SPAG16: variants seen among roughly 807,000 people sequenced by gnomAD.
SPAG16 encodes the protein sperm associated antigen 16, also known as sperm-associated antigen 16 protein.
In SPAG16, 86 loss-of-function variants were observed where a neutral mutation model predicts 80.4. The ratio of observed to expected loss-of-function variants is 1.07; its 90% CI spans 0.90 to 1.28. The LOEUF is 1.28. Ranked by LOEUF, SPAG16 falls within the 50% of genes most tolerant of loss-of-function variation. SPAG16 has a pLI of 0.00. For missense variants in SPAG16, 870 were observed against 765.3 expected (o/e 1.14, Z -1.61); for synonymous variants, 294 against 265.9 (o/e 1.11, Z -1.03).
intron 10 of SPAG16, among the ~76,000 whole-genome samples, chr2:213,687,971 A>T (rs1327419422): frequency 6.6e-6 from 1 of 152,188 alleles, no homozygotes; most frequent in Non-Finnish European, 1.5e-5. Context: ...CCTCAGGAGG[A>T]ACTGAGGACA....
At chr2:214,207,533 C>T (rs1295439576) in intron 15 of SPAG16, among the ~76,000 whole-genome samples, 1 of 152,106 alleles carries the variant, frequency 6.6e-6, no homozygotes, top group Admixed American at 6.6e-5. Context: ...AAAAGGTGGC[C>T]TTATTTTCAT....
chr2:214,030,952 C>T (rs1270252068), intron 13 of SPAG16, among the ~76,000 whole-genome samples: 2 of 152,216 alleles, frequency 1.3e-5, no homozygotes, highest in Non-Finnish European at 2.9e-5. Context: ...CTCAGTAGGA[C>T]AGTTGTGAAG....
chr2:214,136,502 G>A (rs13032246), intron 14 of SPAG16, among the ~76,000 whole-genome samples: 29,930 of 152,040 alleles, frequency 0.2, 3,000 homozygotes, highest in African/African-American at 0.23. Context: ...TTAGCTGCTC[G>A]GTAATTATTT....
chr2:214,041,345 A>T (rs2048996170), intron 13 of SPAG16, among the ~76,000 whole-genome samples: 1 of 151,774 alleles, frequency 6.6e-6, no homozygotes, highest in Non-Finnish European at 1.5e-5. Context: ...GTATCAGCTG[A>T]ATTGTTTATA....
chr2:214,146,026 C>T (rs1183679180), intron 14 of SPAG16, among the ~76,000 whole-genome samples: 1 of 152,102 alleles, frequency 6.6e-6, no homozygotes, highest in Non-Finnish European at 1.5e-5. Context: ...CAATGATAAC[C>T]AGAATTGCAT....
intron 12 of SPAG16, among the ~76,000 whole-genome samples, chr2:213,973,292 G>A (rs551905122): frequency 2.6e-5 from 4 of 152,080 alleles, no homozygotes; most frequent in African/African-American, 9.6e-5. Flanking sequence ...AGTCAGTTGT[G>A]TGTCTTAATG....
At chr2:214,099,393 T>C (rs538277190) in intron 13 of SPAG16, among the ~76,000 whole-genome samples, 1 of 152,104 alleles carries the variant, frequency 6.6e-6, no homozygotes, top group Non-Finnish European at 1.5e-5. Flanking sequence ...TAATTTCCTA[T>C]GGTAGAGATG....
intron 13 of SPAG16, among the ~76,000 whole-genome samples, chr2:214,027,101 G>T (rs1287992092): frequency 6.6e-6 from 1 of 151,486 alleles, no homozygotes; most frequent in African/African-American, 2.4e-5. Flanking sequence ...GTGTAGGAAA[G>T]AGTAGACTTT....
chr2:213,514,155 A>T (rs569108099), intron 10 of SPAG16, among the ~76,000 whole-genome samples: 7 of 152,202 alleles, frequency 4.6e-5, no homozygotes, highest in Non-Finnish European at 1.0e-4. Context: ...TTTAGAAATT[A>T]GATGGTCCTT....
chr2:213,732,055 A>T (rs769261340), intron 10 of SPAG16, among the ~76,000 whole-genome samples: 1 of 152,146 alleles, frequency 6.6e-6, no homozygotes, highest in Admixed American at 6.6e-5. Flanking sequence ...TTGGTTTTAC[A>T]TTTAAGTCTT....
intron 7 of SPAG16, among the ~76,000 whole-genome samples, chr2:213,354,174 T>C (rs2065495651): frequency 6.6e-6 from 1 of 152,194 alleles, no homozygotes; most frequent in Non-Finnish European, 1.5e-5. Flanking sequence ...CTGAGAATGA[T>C]GGTTTCCAGC....
At chr2:214,369,294 A>G (rs1425818479) in intron 15 of SPAG16, among the ~76,000 whole-genome samples, 1 of 152,142 alleles carries the variant, frequency 6.6e-6, no homozygotes, top group Non-Finnish European at 1.5e-5. Context: ...GAAGAAAAAG[A>G]AGAAGTTTGG....
At chr2:213,442,300 G>A (rs1604692) in intron 9 of SPAG16, among the ~76,000 whole-genome samples, 21,692 of 152,182 alleles carry the variant, frequency 0.14, 2,110 homozygotes, top group South Asian at 0.27. Context: ...GATTTATTTC[G>A]TGTTCATAAT....
At chr2:214,397,656 A>C (rs1701475624) in intron 15 of SPAG16, among the ~76,000 whole-genome samples, 1 of 152,198 alleles carries the variant, frequency 6.6e-6, no homozygotes, top group Non-Finnish European at 1.5e-5. Context: ...GAGCTGATTT[A>C]TTGATAAAAC....
intron 12 of SPAG16, among the ~76,000 whole-genome samples, chr2:213,967,883 A>G (rs2044787878): frequency 6.6e-6 from 1 of 152,174 alleles, no homozygotes; most frequent in East Asian, 1.9e-4. Flanking sequence ...GCACTATTTT[A>G]AATGATAATG....
chr2:214,268,474 A>G (rs1691752121), intron 15 of SPAG16, among the ~76,000 whole-genome samples: 1 of 151,952 alleles, frequency 6.6e-6, no homozygotes, highest in Admixed American at 6.6e-5. Context: ...CAGCCTTAAA[A>G]AAGTAAATTT....
At chr2:214,162,971 A>G (rs1378270947) in intron 15 of SPAG16, among the ~76,000 whole-genome samples, 1 of 152,138 alleles carries the variant, frequency 6.6e-6, no homozygotes, top group African/African-American at 2.4e-5. Flanking sequence ...GATTCAAAAA[A>G]TTTATAGAAC....
chr2:213,781,721 A>C (rs1348701681), intron 10 of SPAG16, among the ~76,000 whole-genome samples: 1 of 152,160 alleles, frequency 6.6e-6, no homozygotes, highest in Non-Finnish European at 1.5e-5. Flanking sequence ...TTCTGAAATC[A>C]CATTACGTGG....
intron 10 of SPAG16, among the ~76,000 whole-genome samples, chr2:213,761,192 G>A (rs2068636353): frequency 1.3e-5 from 2 of 152,130 alleles, no homozygotes; most frequent in South Asian, 4.1e-4. Flanking sequence ...TTATCAAAGA[G>A]AAATTGTAAG....
Sources: allele counts gnomAD v4.1 joint callset (sites outside exome capture counted in the v4.1 genomes callset), GRCh38; gene constraint gnomAD v4.1.1; transcripts MANE v1.5; gene names NCBI Gene and HGNC (gene_info 2026-07-23, HGNC 2026-07-21).